CPO: variants seen among roughly 807,000 people sequenced by gnomAD.
CPO encodes metallocarboxypeptidase C.
In CPO, 43 loss-of-function variants were observed where a neutral mutation model predicts 41.2. That is an observed-to-expected ratio of 1.04 (90% CI 0.82 to 1.35). The LOEUF (loss-of-function observed/expected upper bound fraction) is 1.35, where lower values mean the gene tolerates loss of function less well. Among genes scored for constraint, CPO ranks in the 40% most tolerant of loss-of-function variants. CPO has a pLI of 0.00. For missense variants in CPO, 408 were observed against 451.7 expected (o/e 0.90, Z 0.88); for synonymous variants, 178 against 162.7 (o/e 1.09, Z -0.72).
At chr2:206,953,955 T>C (rs1271572159) in intron 2 of CPO, among the ~76,000 whole-genome samples, 1 of 152,238 alleles carries the variant, frequency 6.6e-6, no homozygotes, top group Non-Finnish European at 1.5e-5. Flanking sequence ...GCCTGAGCTG[T>C]ACCTTGGCCC....
chr2:206,969,306 A>C lies in CPO; in HGVS notation c.995A>C (p.Glu332Ala), dbSNP rs752219852. ...PEAQIQPTCE[E>A]TMEAVLSVLD... ...GCTCAGATCCAGCCCACCTGTGAGG[A>C]GACCATGGAGGCTGTGCTGTCAGTC... Residue 332 changes from glutamate (E) to alanine (A), a missense_variant, in exon 9 of 9, where the codon GAG (glutamate) becomes GCG (alanine). Glu to Ala is a moderately radical substitution (Grantham distance 107, BLOSUM62 -1). Transcript: ENST00000272852. The C allele has an allele frequency of 2.5e-6, 4 of 1,614,090 alleles. No homozygotes were observed. The South Asian group carries it at 3.3e-5, about 13-fold the overall frequency.
rs1397087686 is a variant in CPO at position 206,939,685 on chromosome 2, A to C, written c.68+18A>C. 6.3e-7 allele frequency: 1 copy of C among 1,597,120 alleles called. No individual in the cohort carries two copies. Among genetic ancestry groups the C allele is most frequent in the African/African-American group, 1.3e-5 (1 of 74,448 alleles). ...TATGATAGGTGAGTGTAAAGTGGGAAGAGGAACTGATTATTATAATTTAGA... is the reference window on the plus strand; with the variant it reads ...TATGATAGGTGAGTGTAAAGTGGGACGAGGAACTGATTATTATAATTTAGA... On this transcript the variant is annotated intron_variant, in intron 1 of 8. Transcript: ENST00000272852.
chr2:206,952,565 T>C (rs1439095649), intron 2 of CPO, among the ~76,000 whole-genome samples: 1 of 152,210 alleles, frequency 6.6e-6, no homozygotes, highest in Non-Finnish European at 1.5e-5. Flanking sequence ...GAACCCCAAA[T>C]TACGGACTTC....
At chr2:206,968,411 A>T in intron 8 of CPO, 64 bp downstream of exon 8, 1 of 914,966 alleles carries the variant, frequency 1.1e-6, no homozygotes, top group Non-Finnish European at 1.8e-6. Context: ...TGGACTTTGG[A>T]TGGTGAGATA....
chr2:206,965,204 A>G (rs1042609751), intron 7 of CPO, among the ~76,000 whole-genome samples: 10 of 152,204 alleles, frequency 6.6e-5, no homozygotes, highest in Admixed American at 6.5e-4. Flanking sequence ...AAGAGTTCAC[A>G]TAAACAGTCG....
intron 7 of CPO, among the ~76,000 whole-genome samples, chr2:206,963,410 A>G (rs1378831808): frequency 6.6e-6 from 1 of 152,248 alleles, no homozygotes; most frequent in Non-Finnish European, 1.5e-5. Flanking sequence ...ACAGTTCAGT[A>G]GTGTTAAGTA....
chr2:206,944,438 T>C (rs1693103117), intron 1 of CPO, among the ~76,000 whole-genome samples: 1 of 152,010 alleles, frequency 6.6e-6, no homozygotes. Flanking sequence ...AGCACCCTTG[T>C]TTATTAAAAA....
chr2:206,966,267 G>T (rs940873553), intron 7 of CPO, among the ~76,000 whole-genome samples: 4 of 151,942 alleles, frequency 2.6e-5, no homozygotes, highest in African/African-American at 4.8e-5. Flanking sequence ...GGAACCACTG[G>T]GATGGCAAGT....
At chr2:206,948,648 A>G (rs1693193192) in intron 1 of CPO, among the ~76,000 whole-genome samples, 1 of 152,076 alleles carries the variant, frequency 6.6e-6, no homozygotes, top group South Asian at 2.1e-4. Flanking sequence ...TGTAGTGCCA[A>G]TTAATTGAGA....
At chr2:206,952,303 C>A (rs937940635) in intron 2 of CPO, among the ~76,000 whole-genome samples, 2 of 151,906 alleles carry the variant, frequency 1.3e-5, no homozygotes, top group African/African-American at 4.8e-5. Flanking sequence ...TTAGTACAGA[C>A]AGGGTTTCAC....
chr2:206,946,187 T>A (rs1033514772), intron 1 of CPO, among the ~76,000 whole-genome samples: 1 of 151,614 alleles, frequency 6.6e-6, no homozygotes, highest in Non-Finnish European at 1.5e-5. Context: ...GAAAAAAAAA[T>A]TACAGACCAA....
At position 206,963,098 on chromosome 2, in the gene CPO, G is replaced by A. The variant is rs930244983; in HGVS notation, c.777+484G>A. On this transcript the variant is annotated intron_variant, in intron 7 of 8. Transcript: ENST00000272852. ...CTTCTAAACTCTTCCTTCAGTATTT[G>A]CCTAGGATTATTTGTAAGGGGAAGT... 3.3e-5 allele frequency among the ~76,000 whole-genome samples: 5 copies of A among 152,192 alleles called. 1 individual carries two copies. In the South Asian group the frequency reaches 1.0e-3, roughly 32 times the overall value.
At chr2:206,955,411 G>C in intron 2 of CPO, 52 bp from the exon 3 acceptor site, 1 of 977,364 alleles carries the variant, frequency 1.0e-6, no homozygotes, top group Non-Finnish European at 1.7e-6. Context: ...TTAATCAGAG[G>C]CATGCAAACA....
At position 206,947,879 on chromosome 2, in the gene CPO, T is replaced by C. The variant is rs191486740; in HGVS notation, c.69-1738T>C. On this transcript the variant is annotated intron_variant, in intron 1 of 8. Coordinates refer to ENST00000272852, the MANE Select transcript of CPO (RefSeq NM_173077.3). ...TTGTTAATAAAACAAGAAGATAATA[T>C]ACTTCACACCTATTAGAATGTCCAA... is the stretch of plus-strand genomic sequence containing the variant. 3.9e-5 allele frequency among the ~76,000 whole-genome samples: 6 copies of C among 152,258 alleles called. No homozygotes were observed. In the East Asian group the frequency reaches 1.2e-3, roughly 29 times the overall value.
chr2:206,946,686 G>T (rs971541742), intron 1 of CPO, among the ~76,000 whole-genome samples: 1 of 152,098 alleles, frequency 6.6e-6, no homozygotes, highest in Non-Finnish European at 1.5e-5. Flanking sequence ...GTTTGAAGAT[G>T]ACATGATTAT....
chr2:206,954,401 CA>C (rs1449439337), intron 2 of CPO, among the ~76,000 whole-genome samples: 1 of 99,670 alleles, frequency 1.0e-5, no homozygotes. Context: ...TTTGCTAAAG[CA>C]TAACGAGTCA....
intron 3 of CPO, among the ~76,000 whole-genome samples, chr2:206,957,748 A>G (rs1019677712): frequency 1.3e-5 from 2 of 152,194 alleles, no homozygotes; most frequent in Non-Finnish European, 1.5e-5. Context: ...ATGTACAAGA[A>G]TAGCAAATGG....
chr2:206,967,628 G>A (rs969282029), intron 7 of CPO, among the ~76,000 whole-genome samples: 1 of 152,138 alleles, frequency 6.6e-6, no homozygotes, highest in Admixed American at 6.5e-5. Flanking sequence ...GCTGAGGAAT[G>A]TAGGGTAAGG....
chr2:206,956,922 T>C (rs900205253), intron 3 of CPO, among the ~76,000 whole-genome samples: 3 of 152,198 alleles, frequency 2.0e-5, no homozygotes, highest in Non-Finnish European at 4.4e-5. Context: ...TGATTTTCCA[T>C]AGGCAATCCA....
Sources: gnomAD v4.1 joint callset for allele counts (sites outside exome capture counted in the v4.1 genomes callset) on GRCh38, gnomAD v4.1.1 for gene constraint, MANE v1.5 for transcripts, NCBI Gene and HGNC (gene_info 2026-07-23, HGNC 2026-07-21) for gene names.